Variants in FAN1 observed in about 807,000 individuals in gnomAD.
FAN1 encodes the protein FANCD2 and FANCI associated nuclease 1.
In FAN1, 91 loss-of-function variants were observed where a neutral mutation model predicts 104.9. The ratio of observed to expected loss-of-function variants is 0.87; its 90% confidence interval spans 0.73 to 1.03. The LOEUF is 1.03. Among genes scored for constraint, FAN1 ranks in the 50% least tolerant of loss-of-function variants. The pLI, the probability that FAN1 is intolerant of heterozygous loss-of-function variation, is 0.00. For missense variants in FAN1, 1,263 were observed against 1,239.9 expected, an observed-to-expected ratio of 1.02 and a Z score of -0.28; for synonymous variants, 478 against 457.6, an observed-to-expected ratio of 1.04 and a Z score of -0.57.
rs375050012 is a variant in FAN1 at position 30,943,028 on chromosome 15, G to A, written c.*1466G>A. The A allele has an allele frequency of 1.9e-6, 3 of 1,550,050 alleles. No individual in the cohort carries two copies. The highest frequency in any genetic ancestry group is 2.4e-5 in the East Asian group (1 of 40,946). Reference sequence around the variant, plus strand: ...AGTCCCAAACAGAGGGGAATTTTAAGCCCTTCTCATCACCCAATTGGATGT... The same window carrying A: ...AGTCCCAAACAGAGGGGAATTTTAAACCCTTCTCATCACCCAATTGGATGT... On this transcript the variant is annotated 3_prime_UTR_variant, in exon 15 of 15. Transcript: ENST00000362065.
rs1375316910 is a variant in FAN1, at chr15:30,918,167, T to C, written c.1815T>C (p.Tyr605=). The change falls in exon 6 of 15, where the codon TAT becomes TAC. Residue 605 remains tyrosine, a synonymous_variant. Transcript: ENST00000362065. The part of the protein sequence containing the change: ...IFQDRDDLIR[Y]AAATHMLSDI... ...CTTGGATGGCATTTTCCTCCAGATA[T>C]GCAGCAGCCACGCACATGCTGAGTG... 6.8e-6 allele frequency: 11 copies of C among 1,613,834 alleles called. No individual in the cohort carries two copies. In the African/African-American group the frequency reaches 1.1e-4, roughly 16 times the overall value.
intron 8 of FAN1, among the ~76,000 whole-genome samples, chr15:30,923,425 A>G (rs963090342): frequency 6.6e-6 from 1 of 152,294 alleles, no homozygotes; most frequent in South Asian, 2.1e-4. Context: ...CAGTTCTGCT[A>G]GGGGGTAGAC....
Position 30,927,171 on chromosome 15 carries a change from T to G in FAN1, c.2488+1232T>G, listed in dbSNP as rs1012389941. ...CTGCAGTGAGCCAAGATTGTGCCAC[T>G]GCACTCCAGTCTGGGTGACAGAGTG... On this transcript the variant is annotated intron_variant, in intron 10 of 14. Coordinates refer to ENST00000362065, the MANE Select transcript of FAN1 (RefSeq NM_014967.5). The G allele has an allele frequency of 2.5e-5, 24 of 954,900 alleles. No individual in the cohort carries two copies. The African/African-American group carries it at 4.1e-4, about 16-fold the overall frequency. The allele number at this position is 954,900 out of a possible 1,614,324, so 59.2% of individuals were successfully genotyped here. A position where few individuals can be genotyped will look rare whatever the true frequency, so the allele number is the denominator to read the frequency against.
chr15:30,906,376 T>C, intron 2 of FAN1: 1 of 457,166 alleles, frequency 2.2e-6, no homozygotes, highest in Middle Eastern at 3.2e-4. Context: ...TTTAGATTTA[T>C]GGACTGTGCC....
At chr15:30,926,435 AAC>A in intron 10 of FAN1, 1 of 199,206 alleles carries the variant, frequency 5.0e-6, no homozygotes, top group Non-Finnish European at 9.0e-6. Flanking sequence ...CAGTGTTAAA[AAC>A]ACTGATATTT....
intron 4 of FAN1, chr15:30,911,468 T>G: frequency 1.0e-6 from 1 of 984,138 alleles, no homozygotes. Flanking sequence ...ATTTCAGTTG[T>G]TATGAGCCCA....
chr15:30,935,827 A>G (rs2062836972), intron 13 of FAN1, among the ~76,000 whole-genome samples: 1 of 152,182 alleles, frequency 6.6e-6, no homozygotes, highest in African/African-American at 2.4e-5. Flanking sequence ...ATGGTTTCCA[A>G]TCAGAGAATC....
Position 30,914,105 on chromosome 15 carries a change from A to G in FAN1, c.1811+14A>G. On this transcript the variant is annotated intron_variant, in intron 5 of 14. Transcript: ENST00000362065. ...TGATCTTATCAGGTAAGATGATGTT[A>G]GCTCACTATAATGTCTATATGTGTA... The G allele has an allele frequency of 6.4e-7, 1 of 1,554,146 alleles. No individual in the cohort carries two copies. The highest frequency in any genetic ancestry group is 8.9e-7 in the Non-Finnish European group (1 of 1,126,210).
At chr15:30,923,385 T>C (rs548242836) in intron 8 of FAN1, among the ~76,000 whole-genome samples, 4 of 152,244 alleles carry the variant, frequency 2.6e-5, no homozygotes, top group African/African-American at 9.6e-5. Context: ...AAATAAAAGT[T>C]CAAGAGAGTA....
At chr15:30,920,407 G>C in intron 6 of FAN1, 138 bp from the exon 7 acceptor site, 1 of 632,690 alleles carries the variant, frequency 1.6e-6, no homozygotes, top group Non-Finnish European at 2.7e-6. Flanking sequence ...TTGTGGTGTA[G>C]AAAATTGTAC....
intron 8 of FAN1, 41 bp from the exon 9 acceptor site, chr15:30,925,086 G>GT: frequency 1.3e-6 from 2 of 1,563,134 alleles, no homozygotes; most frequent in Middle Eastern, 1.7e-4. Context: ...GCCGCCATGG[G>GT]TTTTTTTAGG....
chr15:30,920,422 C>T, intron 6 of FAN1, 123 bp from the exon 7 acceptor site: 1 of 680,802 alleles, frequency 1.5e-6, no homozygotes, highest in African/African-American at 1.8e-5. Flanking sequence ...TTGTACACAA[C>T]TGAAAGTATT....
intron 14 of FAN1, chr15:30,939,965 CA>C (rs2062983263): frequency 1.0e-6 from 1 of 982,530 alleles, no homozygotes. Context: ...CTGTTATATC[CA>C]GAGACATTAT....
rs143539475 is a variant in FAN1, at chr15:30,921,981, G to A, written c.2053-254G>A. Among the ~76,000 whole-genome samples the A allele has an allele frequency of 1.1e-3, 175 of 152,314 alleles. 1 individual carries two copies. The highest frequency in any genetic ancestry group is 3.9e-3 in the African/African-American group (164 of 41,568). On this transcript the variant is annotated intron_variant, in intron 7 of 14. Transcript: ENST00000362065. ...ACTGGTTTGCAGATAACACTCTGCA[G>A]CACTCACAGATGTCTGTACCCCAGT...
Position 30,919,416 on chromosome 15 carries a change from C to T in FAN1, c.1943+1121C>T, listed in dbSNP as rs980727819. Among the ~76,000 whole-genome samples the T allele has an allele frequency of 7.8e-5, 11 of 140,206 alleles. No individual in the cohort carries two copies. In the East Asian group the frequency reaches 1.9e-3, roughly 25 times the overall value. The allele number at this position is 140,206 out of a possible 152,430, so 92.0% of individuals were successfully genotyped here. A position where few individuals can be genotyped will look rare whatever the true frequency, so the allele number is the denominator to read the frequency against. On this transcript the variant is annotated intron_variant, in intron 6 of 14. Coordinates refer to ENST00000362065, the MANE Select transcript of FAN1 (RefSeq NM_014967.5). ...AAAAAAAAAATCATAAGGGGCTGGGCGTGGTGGCTCATGCCTGTAATCCCA... is the reference window on the plus strand; with the variant it reads ...AAAAAAAAAATCATAAGGGGCTGGGTGTGGTGGCTCATGCCTGTAATCCCA...
At chr15:30,927,311 C>T in intron 10 of FAN1, 1 of 985,522 alleles carries the variant, frequency 1.0e-6, no homozygotes, top group South Asian at 4.7e-5. Context: ...AAATCAGGTC[C>T]TAGCTCCACT....
chr15:30,904,498 G>C lies in FAN1; in HGVS notation c.-152-14G>C. 1 of 772,254 alleles carries C rather than the reference G, an allele frequency of 1.3e-6. No individual in the cohort carries two copies. The highest frequency in any genetic ancestry group is 2.3e-6 in the Non-Finnish European group (1 of 442,708). The allele number at this position is 772,254 out of a possible 1,614,324, so 47.8% of individuals were successfully genotyped here. ...ATAAAAATGTTTTTAATTTATATGT[G>C]TTTCTTCTTGTAGGAAGAAGAAATT... On this transcript the variant is annotated splice_polypyrimidine_tract_variant and intron_variant, in intron 1 of 14. Coordinates refer to ENST00000362065, the MANE Select transcript of FAN1 (RefSeq NM_014967.5).
chr15:30,921,269 C>T (rs1274209545), intron 7 of FAN1, among the ~76,000 whole-genome samples: 1 of 152,188 alleles, frequency 6.6e-6, no homozygotes, highest in African/African-American at 2.4e-5. Context: ...CACAGGTCTG[C>T]AGCCTGAGCC....
At chr15:30,935,007 G>A (rs1387488296) in intron 13 of FAN1, among the ~76,000 whole-genome samples, 1 of 134,334 alleles carries the variant, frequency 7.4e-6, no homozygotes, top group Admixed American at 7.6e-5. Context: ...AGGTTTCTGT[G>A]TAGTCTCATT....
Sources: gnomAD v4.1 joint callset for allele counts (sites outside exome capture counted in the v4.1 genomes callset) on GRCh38, gnomAD v4.1.1 for gene constraint, MANE v1.5 for transcripts, NCBI Gene and HGNC (gene_info 2026-07-23, HGNC 2026-07-21) for gene names.